The following PCDH9 variants were observed in gnomAD, a reference collection of about 807,000 sequenced individuals.
PCDH9 encodes the protein protocadherin 9, also known as protocadherin-9.
In PCDH9, 24 loss-of-function variants were observed where a neutral mutation model predicts 70.6. That is an observed-to-expected ratio of 0.34 (90% CI 0.25 to 0.48). The LOEUF is 0.48. PCDH9 is among the 20% of genes least tolerant of loss of function. The probability of loss-of-function intolerance (pLI) is 0.99; values close to 1 mark genes in which losing one functional copy is unlikely to be tolerated. For synonymous variants in PCDH9, 562 were observed against 558.5 expected (o/e 1.01, Z -0.09); for missense variants, 1,281 against 1,503.6 (o/e 0.85, Z 2.45).
chr13:66,733,948 G>T (rs1267444207), intron 3 of PCDH9, among the ~76,000 whole-genome samples: 1 of 152,098 alleles, frequency 6.6e-6, no homozygotes, highest in Non-Finnish European at 1.5e-5. Flanking sequence ...CCCCGGAGAG[G>T]TCTGGCCTTT....
At chr13:66,762,691 T>A (rs964201988) in intron 3 of PCDH9, among the ~76,000 whole-genome samples, 5 of 152,128 alleles carry the variant, frequency 3.3e-5, no homozygotes, top group South Asian at 2.1e-4. Flanking sequence ...AGAATGGCAA[T>A]CACTGGAAGT....
chr13:66,818,708 G>A (rs1312571959), intron 3 of PCDH9, among the ~76,000 whole-genome samples: 3 of 152,000 alleles, frequency 2.0e-5, no homozygotes, highest in South Asian at 2.1e-4. Context: ...CGAGGCGGGC[G>A]GATCACGAGG....
At position 67,158,927 on chromosome 13, in the gene PCDH9, G is replaced by A. The variant is rs183490279; in HGVS notation, c.3036+66478C>T. ...CTAGTTTATTTCTCATTGGAAAGAC[G>A]AAATAACAGTCTCCCTGTAGACTAA... is the stretch of plus-strand genomic sequence containing the variant. On this transcript the variant is annotated intron_variant, in intron 2 of 4. Coordinates refer to ENST00000377865, the MANE Select transcript of PCDH9 (RefSeq NM_203487.3). 5.1e-4 allele frequency among the ~76,000 whole-genome samples: 78 copies of A among 152,250 alleles called. No individual in the cohort carries two copies. The East Asian group carries it at 5.6e-3, about 11-fold the overall frequency.
At chr13:66,499,125 A>G (rs1474319368) in intron 4 of PCDH9, among the ~76,000 whole-genome samples, 1 of 152,118 alleles carries the variant, frequency 6.6e-6, no homozygotes, top group Admixed American at 6.5e-5. Context: ...TGTGAACCAG[A>G]AAAATCCTTA....
chr13:66,720,858 T>C (rs1194909059), intron 3 of PCDH9, among the ~76,000 whole-genome samples: 1 of 152,116 alleles, frequency 6.6e-6, no homozygotes, highest in Non-Finnish European at 1.5e-5. Context: ...AACTTGATAA[T>C]TGTATAGTCT....
At chr13:67,024,797 T>C (rs1736825288) in intron 2 of PCDH9, among the ~76,000 whole-genome samples, 1 of 152,150 alleles carries the variant, frequency 6.6e-6, no homozygotes, top group Non-Finnish European at 1.5e-5. Flanking sequence ...GTTGCTATTA[T>C]ATTGCAAATA....
chr13:67,165,102 A>G (rs1464028024), intron 2 of PCDH9, among the ~76,000 whole-genome samples: 1 of 152,188 alleles, frequency 6.6e-6, no homozygotes, highest in Non-Finnish European at 1.5e-5. Flanking sequence ...GAATAAATTA[A>G]TTAAAAATTT....
At chr13:66,974,885 C>T (rs755352390) in intron 2 of PCDH9, among the ~76,000 whole-genome samples, 7 of 151,996 alleles carry the variant, frequency 4.6e-5, no homozygotes, top group Non-Finnish European at 1.0e-4. Flanking sequence ...TTCACCTTTT[C>T]TGCAACAGTG....
intron 3 of PCDH9, among the ~76,000 whole-genome samples, chr13:66,715,431 A>T (rs373975605): frequency 6.6e-6 from 1 of 152,164 alleles, no homozygotes; most frequent in Non-Finnish European, 1.5e-5. Context: ...TAATAAGAAG[A>T]TCATGCAATA....
At chr13:66,733,771 T>C (rs979593285) in intron 3 of PCDH9, among the ~76,000 whole-genome samples, 1 of 152,254 alleles carries the variant, frequency 6.6e-6, no homozygotes, top group South Asian at 2.1e-4. Flanking sequence ...GACTGTACTT[T>C]GAAAAATGTC....
At chr13:67,040,691 A>G (rs1261707810) in intron 2 of PCDH9, among the ~76,000 whole-genome samples, 5 of 152,146 alleles carry the variant, frequency 3.3e-5, no homozygotes, top group Non-Finnish European at 7.4e-5. Context: ...AGGTTAAAAA[A>G]AATATATATT....
At chr13:66,396,610 T>C (rs1307407870) in intron 4 of PCDH9, among the ~76,000 whole-genome samples, 2 of 152,220 alleles carry the variant, frequency 1.3e-5, no homozygotes, top group Non-Finnish European at 2.9e-5. Context: ...GACAAACAAC[T>C]AAATATCTGT....
chr13:67,171,807 T>C (rs2138447428), intron 2 of PCDH9, among the ~76,000 whole-genome samples: 1 of 152,224 alleles, frequency 6.6e-6, no homozygotes, highest in East Asian at 1.9e-4. Flanking sequence ...AGTGGGAAAA[T>C]GTAGCAGTAA....
chr13:66,703,929 C>T (rs1593921447), intron 3 of PCDH9, among the ~76,000 whole-genome samples: 1 of 151,852 alleles, frequency 6.6e-6, no homozygotes, highest in East Asian at 1.9e-4. Context: ...AATAGGAAAA[C>T]ATTTCTATTT....
intron 4 of PCDH9, among the ~76,000 whole-genome samples, chr13:66,552,429 T>C (rs1399749701): frequency 1.3e-5 from 2 of 152,094 alleles, no homozygotes; most frequent in Non-Finnish European, 2.9e-5. Flanking sequence ...AGTACTGATA[T>C]GACTAATAGG....
In PCDH9 at chr13:66,932,681, T is replaced by TATATATATACACACAC. The variant is rs1313632174; in HGVS notation, c.3037-29077_3037-29076insGTGTGTGTATATATAT. On this transcript the variant is annotated intron_variant, in intron 2 of 4. Coordinates refer to ENST00000377865, the MANE Select transcript of PCDH9 (RefSeq NM_203487.3). ...TCACATATATATATATATATATATA[T>TATATATATACACACAC]ACACACACACACACGTATGTATATA... is the stretch of plus-strand genomic sequence containing the variant. Among the ~76,000 whole-genome samples, 101 of 114,834 alleles carry TATATATATACACACAC rather than the reference T, an allele frequency of 8.8e-4. 2 individuals are homozygous for TATATATATACACACAC. The highest frequency in any genetic ancestry group is 4.7e-3 in the Middle Eastern group (1 of 214). 75.3% of individuals were successfully genotyped at this position (114,834 alleles called of 152,430 possible). A position where few individuals can be genotyped will look rare whatever the true frequency, so the allele number is the denominator to read the frequency against.
intron 4 of PCDH9, among the ~76,000 whole-genome samples, chr13:66,344,811 C>T (rs1366478869): frequency 6.6e-6 from 1 of 152,158 alleles, no homozygotes; most frequent in Non-Finnish European, 1.5e-5. Flanking sequence ...AAATACGGTG[C>T]AGCTTAAACC....
At chr13:66,689,328 T>C (rs2078449925) in intron 3 of PCDH9, among the ~76,000 whole-genome samples, 1 of 152,154 alleles carries the variant, frequency 6.6e-6, no homozygotes, top group Non-Finnish European at 1.5e-5. Flanking sequence ...GTGGAATCAC[T>C]GCTGACAATA....
rs377440847 is a variant in PCDH9 at position 67,018,214 on chromosome 13, T to C, written c.3037-114609A>G. Among the ~76,000 whole-genome samples the C allele has an allele frequency of 3.3e-5, 5 of 152,300 alleles. No individual in the cohort carries two copies. The East Asian group carries it at 9.6e-4, about 29-fold the overall frequency. On this transcript the variant is annotated intron_variant, in intron 2 of 4. Transcript: ENST00000377865. ...GATATGAAAAGCTATCTGAAGTAAA[T>C]AACATCAGAGTTGTAAATGAACTTG...
Sources: allele counts gnomAD v4.1 joint callset (sites outside exome capture counted in the v4.1 genomes callset), GRCh38; gene constraint gnomAD v4.1.1; transcripts MANE v1.5; gene names NCBI Gene and HGNC (gene_info 2026-07-23, HGNC 2026-07-21).